DYNC2H1: variants seen among roughly 807,000 people sequenced by gnomAD.
The protein encoded by DYNC2H1 is dynein cytoplasmic 2 heavy chain 1, also known as cytoplasmic dynein 2 heavy chain 1.
Under a neutral mutation model 570.0 loss-of-function variants are expected in DYNC2H1, and 410 were observed. The ratio of observed to expected loss-of-function variants is 0.72; its 90% CI spans 0.66 to 0.78. DYNC2H1 has a LOEUF of 0.78. DYNC2H1 is among the 30% of genes least tolerant of loss of function. The pLI, the probability that DYNC2H1 is intolerant of heterozygous loss-of-function variation, is 0.00. For missense variants in DYNC2H1, 4,865 were observed against 5,046.4 expected (o/e 0.96, Z 1.09); for synonymous variants, 1,688 against 1,677.6 (o/e 1.01, Z -0.15).
At chr11:103,311,731 G>A in intron 78 of DYNC2H1, 147 bp from the exon 79 acceptor site, 3 of 674,310 alleles carry the variant, frequency 4.4e-6, no homozygotes, top group Non-Finnish European at 7.2e-6. Flanking sequence ...CTAGTTTTAT[G>A]TACATTTTGA....
intron 87 of DYNC2H1, among the ~76,000 whole-genome samples, chr11:103,466,294 G>A (rs907276155): frequency 6.6e-6 from 1 of 151,920 alleles, no homozygotes; most frequent in East Asian, 1.9e-4. Context: ...TGACTCTGAA[G>A]GTTTAAAAAG....
intron 59 of DYNC2H1, among the ~76,000 whole-genome samples, chr11:103,226,635 G>GC (rs1329182960): frequency 6.6e-6 from 1 of 152,040 alleles, no homozygotes; most frequent in Non-Finnish European, 1.5e-5. Context: ...GAGGATTTTT[G>GC]CATCTGTGTT....
At chr11:103,331,125 A>AC in intron 82 of DYNC2H1, among the ~76,000 whole-genome samples, 2 of 152,350 alleles carry the variant, frequency 1.3e-5, no homozygotes, top group Admixed American at 1.3e-4. Flanking sequence ...ACATTTGCTT[A>AC]CCTGGGGCAT....
intron 74 of DYNC2H1, among the ~76,000 whole-genome samples, chr11:103,287,143 A>G (rs1034371760): frequency 2.7e-5 from 4 of 149,766 alleles, no homozygotes; most frequent in African/African-American, 9.8e-5. Context: ...TGCTATTTCT[A>G]TTTTTTTTTT....
chr11:103,353,584 A>G (rs189698181), intron 82 of DYNC2H1, among the ~76,000 whole-genome samples: 415 of 152,242 alleles, frequency 2.7e-3, no homozygotes, highest in Non-Finnish European at 4.0e-3. Flanking sequence ...CTATATATCT[A>G]TATATAAAGA....
chr11:103,142,433 G>T (rs1859997506), intron 17 of DYNC2H1, among the ~76,000 whole-genome samples: 1 of 152,166 alleles, frequency 6.6e-6, no homozygotes, highest in Middle Eastern at 3.2e-3. Flanking sequence ...ACTTTGGGAG[G>T]CTGAGGCTAA....
At position 103,288,675 on chromosome 11, in the gene DYNC2H1, C is replaced by T. The variant is rs565893529; in HGVS notation, c.11095+1070C>T. Among the ~76,000 whole-genome samples the T allele has an allele frequency of 2.7e-4, 26 of 94,760 alleles. No homozygotes were observed. The South Asian group carries it at 5.0e-3, about 18-fold the overall frequency. The allele number at this position is 94,760 out of a possible 152,430, so 62.2% of individuals were successfully genotyped here. On this transcript the variant is annotated intron_variant, in intron 75 of 88. Transcript: ENST00000375735. ...CAACCTGCCCTACATGGTGAAACCC[C>T]GTCTCTACTAAAAAAAAAAAAAAAA... is the stretch of plus-strand genomic sequence containing the variant.
intron 79 of DYNC2H1, among the ~76,000 whole-genome samples, chr11:103,316,141 A>T (rs1372964582): frequency 1.3e-5 from 2 of 151,994 alleles, no homozygotes; most frequent in African/African-American, 4.8e-5. Flanking sequence ...ATGAATGAAT[A>T]TACTGCTATA....
At chr11:103,229,235 C>T (rs1270726858) in intron 59 of DYNC2H1, among the ~76,000 whole-genome samples, 2 of 152,166 alleles carry the variant, frequency 1.3e-5, no homozygotes, top group Non-Finnish European at 2.9e-5. Flanking sequence ...CCAGTTCCTT[C>T]AAAGGGTCTG....
At chr11:103,444,179 TATCA>T (rs1249771198) in intron 85 of DYNC2H1, among the ~76,000 whole-genome samples, 3 of 151,772 alleles carry the variant, frequency 2.0e-5, no homozygotes, top group Non-Finnish European at 4.4e-5. Context: ...TTATATTAAT[TATCA>T]ATCTATTTCT....
In DYNC2H1 at chr11:103,358,293, AT is replaced by A; in HGVS notation, c.12093del (p.Phe4031LeufsTer20). 6.3e-7 allele frequency: 1 copy of A among 1,594,018 alleles called. No individual in the cohort carries two copies. The highest frequency in any genetic ancestry group is 8.6e-7 in the Non-Finnish European group (1 of 1,169,126). ...LGRSITAGSK[F>X]DREIWSNELS... is the part of the protein sequence containing the mutation. Reference sequence around the variant, plus strand: ...GCAGATCCATAACAGCTGGTTCCAAATTTGATAGAGAAATCTGGTCTAATGA... The same window carrying A: ...GCAGATCCATAACAGCTGGTTCCAAATTGATAGAGAAATCTGGTCTAATGA... On this transcript the variant is annotated frameshift_variant, in exon 83 of 89. Coordinates refer to ENST00000375735, the MANE Select transcript of DYNC2H1 (RefSeq NM_001377.3). LOFTEE classifies it high-confidence loss of function.
chr11:103,444,863 G>A (rs1944373669), intron 85 of DYNC2H1, among the ~76,000 whole-genome samples: 1 of 152,184 alleles, frequency 6.6e-6, no homozygotes, highest in Non-Finnish European at 1.5e-5. Context: ...AAGGTTGAAT[G>A]GGTGGCCAAG....
chr11:103,307,892 C>A, intron 78 of DYNC2H1, 61 bp downstream of exon 78: 1 of 967,494 alleles, frequency 1.0e-6, no homozygotes. Context: ...TACATGACTT[C>A]TAAAACTTTG....
chr11:103,378,919 G>A (rs2135573781), intron 83 of DYNC2H1, among the ~76,000 whole-genome samples: 1 of 152,244 alleles, frequency 6.6e-6, no homozygotes, highest in South Asian at 2.1e-4. Flanking sequence ...CTTTGTCTCT[G>A]ATATTAAGTT....
intron 85 of DYNC2H1, among the ~76,000 whole-genome samples, chr11:103,445,096 A>G (rs1388899078): frequency 1.3e-5 from 2 of 152,220 alleles, no homozygotes; most frequent in Non-Finnish European, 2.9e-5. Flanking sequence ...CCGAATGAAT[A>G]AATACATTTT....
rs766791709 is a variant in DYNC2H1 at position 103,158,977 on chromosome 11, A to G, written c.4328A>G (p.Gln1443Arg). The G allele has an allele frequency of 3.7e-6, 6 of 1,613,674 alleles. No individual in the cohort carries two copies. In the Admixed American group the frequency reaches 1.0e-4, roughly 27 times the overall value. ...GATGACTTATTAGAAATATTGGGCC[A>G]GTCTACCAACCCATCAGTGATTCAG... Reference protein sequence around the residue: ...GDDDLLEILGQSTNPSVIQSH... With the variant: ...GDDDLLEILGRSTNPSVIQSH... The change falls in exon 28 of 89, where the codon CAG (glutamine) becomes CGG (arginine). Residue 1443 changes from glutamine to arginine, a missense_variant. Transcript: ENST00000375735.
chr11:103,417,366 G>T (rs1943324415), intron 84 of DYNC2H1, among the ~76,000 whole-genome samples: 1 of 152,042 alleles, frequency 6.6e-6, no homozygotes, highest in African/African-American at 2.4e-5. Flanking sequence ...CTCCCAAATT[G>T]CTAGGATTAC....
rs1394926109 is a variant in DYNC2H1 at position 103,129,129 on chromosome 11, C to T, written c.1953+124C>T. 3 of 719,654 alleles carry T rather than the reference C, an allele frequency of 4.2e-6. No individual in the cohort carries two copies. The highest frequency in any genetic ancestry group is 6.6e-6 in the Non-Finnish European group (3 of 455,640). 44.6% of individuals were successfully genotyped at this position (719,654 alleles called of 1,614,324 possible). The stretch of plus-strand genomic sequence containing the variant: ...CTAGATTTTGTTTTGCTTCCAGGGA[C>T]TTCCTTCAATCTTAGCAAGTAAAAT... On this transcript the variant is annotated intron_variant, in intron 13 of 88. Coordinates refer to ENST00000375735, the MANE Select transcript of DYNC2H1 (RefSeq NM_001377.3). The surrounding 1 kb of genome is among the most constrained non-coding windows in gnomAD (Gnocchi z 4.1).
intron 1 of DYNC2H1, among the ~76,000 whole-genome samples, chr11:103,111,279 G>A (rs1013503647): frequency 7.9e-5 from 12 of 152,208 alleles, no homozygotes; most frequent in Non-Finnish European, 1.5e-4. Flanking sequence ...ATATAAAAAG[G>A]ATGGATAATC....
Sources: gnomAD v4.1 joint callset for allele counts (sites outside exome capture counted in the v4.1 genomes callset) on GRCh38, gnomAD v4.1.1 for gene constraint, Gnocchi (gnomAD v3.1) non-coding constraint, MANE v1.5 for transcripts, NCBI Gene and HGNC (gene_info 2026-07-23, HGNC 2026-07-21) for gene names.